CATSPERE: variants seen among roughly 807,000 people sequenced by gnomAD.
CATSPERE encodes the protein cation channel sperm-associated auxiliary subunit epsilon.
In CATSPERE, 93 loss-of-function variants were observed where a neutral mutation model predicts 114.1. That is an observed-to-expected ratio of 0.81 (90% CI 0.69 to 0.97). The LOEUF (loss-of-function observed/expected upper bound fraction) is 0.97. Among genes scored for constraint, CATSPERE ranks in the 50% least tolerant of loss-of-function variants. The pLI is 0.00. For missense variants in CATSPERE, 1,058 were observed against 1,131.6 expected (o/e 0.93, Z 0.93); for synonymous variants, 341 against 384.1 (o/e 0.89, Z 1.31).
At chr1:244,601,675 C>G (rs1347524055) in intron 17 of CATSPERE, among the ~76,000 whole-genome samples, 1 of 152,032 alleles carries the variant, frequency 6.6e-6, no homozygotes, top group African/African-American at 2.4e-5. Context: ...CAGGGAGGGC[C>G]GGGCGCGGTG....
intron 1 of CATSPERE, 54 bp from the exon 2 acceptor site, chr1:244,463,854 A>C: frequency 7.0e-7 from 1 of 1,426,018 alleles, no homozygotes; most frequent in Non-Finnish European, 9.9e-7. Flanking sequence ...GAGAATCCTC[A>C]TATTTGAAGA....
chr1:244,479,342 C>T (rs1669897364), intron 4 of CATSPERE, among the ~76,000 whole-genome samples: 1 of 152,132 alleles, frequency 6.6e-6, no homozygotes, highest in Non-Finnish European at 1.5e-5. Context: ...ATCCACCCAC[C>T]TCGGCCTCCC....
intron 2 of CATSPERE, among the ~76,000 whole-genome samples, chr1:244,476,321 T>C (rs1452912163): frequency 2.0e-5 from 3 of 152,046 alleles, no homozygotes; most frequent in South Asian, 2.1e-4. Context: ...TATATAGTTT[T>C]AACATATATA....
intron 5 of CATSPERE, among the ~76,000 whole-genome samples, chr1:244,483,104 C>G (rs1670504361): frequency 6.6e-6 from 1 of 152,158 alleles, no homozygotes; most frequent in South Asian, 2.1e-4. Context: ...ACAAATGATG[C>G]TGTGAATGAT....
intron 9 of CATSPERE, among the ~76,000 whole-genome samples, chr1:244,553,600 A>AAAAAACACACAC (rs1553356088): frequency 3.1e-5 from 1 of 32,578 alleles, no homozygotes; most frequent in Non-Finnish European, 6.1e-5. Context: ...AAAAAAAAAA[A>AAAAAACACACAC]ATACACACAC....
chr1:244,637,753 C>A (rs181255727), intron 21 of CATSPERE, among the ~76,000 whole-genome samples: 4 of 152,348 alleles, frequency 2.6e-5, no homozygotes, highest in Admixed American at 2.0e-4. Context: ...GAGCAGCATT[C>A]TCTGTAATAG....
At chr1:244,597,699 G>A (rs1404255462) in intron 17 of CATSPERE, among the ~76,000 whole-genome samples, 1 of 152,070 alleles carries the variant, frequency 6.6e-6, no homozygotes, top group Non-Finnish European at 1.5e-5. Flanking sequence ...CTACAGTTCT[G>A]TGTTTTTGAA....
intron 7 of CATSPERE, among the ~76,000 whole-genome samples, chr1:244,513,333 G>A (rs1223413123): frequency 2.0e-5 from 3 of 152,186 alleles, no homozygotes; most frequent in African/African-American, 7.2e-5. Context: ...TCCACATGGT[G>A]GAAGTGATGG....
Position 244,635,561 on chromosome 1 carries a change from C to A in CATSPERE, c.2702+19C>A. ...TTCCCAGGTAAGGAGCAGGGCCTAA[C>A]TGGACTTTAATTAGGGAATTTCTAA... On this transcript the variant is annotated intron_variant, in intron 21 of 21. Transcript: ENST00000366534. 1 of 1,592,784 alleles carries A rather than the reference C, an allele frequency of 6.3e-7. No individual in the cohort carries two copies. Among genetic ancestry groups the A allele is most frequent in the East Asian group, 2.2e-5 (1 of 44,756 alleles).
At chr1:244,595,392 G>A (rs1257096631) in intron 17 of CATSPERE, among the ~76,000 whole-genome samples, 2 of 152,222 alleles carry the variant, frequency 1.3e-5, no homozygotes, top group African/African-American at 4.8e-5. Context: ...TATGGATAAT[G>A]AGTATTTTGC....
At chr1:244,589,868 G>T (rs1332458969) in intron 14 of CATSPERE, among the ~76,000 whole-genome samples, 1 of 152,100 alleles carries the variant, frequency 6.6e-6, no homozygotes, top group Non-Finnish European at 1.5e-5. Flanking sequence ...TGGATTTTAG[G>T]ACCTTACTCT....
At chr1:244,623,900 G>C (rs770604308) in intron 20 of CATSPERE, among the ~76,000 whole-genome samples, 14 of 152,168 alleles carry the variant, frequency 9.2e-5, no homozygotes, top group Non-Finnish European at 1.8e-4. Flanking sequence ...GGAGGGTCTT[G>C]CCTCAGTGTT....
intron 5 of CATSPERE, among the ~76,000 whole-genome samples, chr1:244,486,608 A>G (rs111296393): frequency 9.6e-5 from 9 of 93,516 alleles, no homozygotes; most frequent in Admixed American, 2.2e-4. Context: ...CAGCATGTGG[A>G]GTACTCGTGG....
chr1:244,538,543 C>T (rs1315340012), intron 8 of CATSPERE, among the ~76,000 whole-genome samples: 1 of 152,188 alleles, frequency 6.6e-6, no homozygotes, highest in Non-Finnish European at 1.5e-5. Flanking sequence ...AATACCTTTG[C>T]CAATATCCAA....
At position 244,568,094 on chromosome 1, in the gene CATSPERE, G is replaced by A. The variant is rs1663869322; in HGVS notation, c.1508-4236G>A. Among the ~76,000 whole-genome samples, 1 of 152,160 alleles carries A rather than the reference G, an allele frequency of 6.6e-6. No individual in the cohort carries two copies. The highest frequency in any genetic ancestry group is 1.5e-5 in the Non-Finnish European group (1 of 68,020). ...TTGTTAGTTTTCCTTCTAACAGTCA[G>A]GCTCCTCTCCTGCAGGTCTGCTGGA... On this transcript the variant is annotated intron_variant, in intron 10 of 21. Coordinates refer to ENST00000366534, the MANE Select transcript of CATSPERE (RefSeq NM_001130957.2). The surrounding 1 kb of genome is among the most constrained non-coding windows in gnomAD (Gnocchi z 4.4).
chr1:244,500,678 G>T (rs184731536), intron 7 of CATSPERE, among the ~76,000 whole-genome samples: 1 of 152,100 alleles, frequency 6.6e-6, no homozygotes, highest in Non-Finnish European at 1.5e-5. Flanking sequence ...TATTTCTGAG[G>T]CCTCTGTTCT....
chr1:244,494,191 C>G (rs1407915817), intron 6 of CATSPERE, among the ~76,000 whole-genome samples: 2 of 151,764 alleles, frequency 1.3e-5, no homozygotes, highest in Non-Finnish European at 2.9e-5. Flanking sequence ...AGCAAAGACT[C>G]GGAACCAACC....
chr1:244,631,812 G>A (rs149430398), intron 20 of CATSPERE, among the ~76,000 whole-genome samples: 3 of 152,316 alleles, frequency 2.0e-5, no homozygotes, highest in African/African-American at 7.2e-5. Flanking sequence ...ATCTGACAAG[G>A]ATATGGAATA....
chr1:244,461,554 C>A, intron 1 of CATSPERE, 60 bp downstream of exon 1: 2 of 1,234,302 alleles, frequency 1.6e-6, no homozygotes, highest in Non-Finnish European at 2.1e-6. Context: ...GCGGGGCAGG[C>A]GGGAGGGTCC....
Sources: allele counts gnomAD v4.1 joint callset (sites outside exome capture counted in the v4.1 genomes callset), GRCh38; gene constraint gnomAD v4.1.1; non-coding constraint Gnocchi (gnomAD v3.1); transcripts MANE v1.5; gene names NCBI Gene and HGNC (gene_info 2026-07-23, HGNC 2026-07-21).